PLEKHB1: variants seen among roughly 807,000 people sequenced by gnomAD.
PLEKHB1 encodes the protein pleckstrin homology domain containing B1.
Under a neutral mutation model 36.2 loss-of-function variants are expected in PLEKHB1, and 29 were observed. The observed-to-expected ratio is 0.80, with a 90% confidence interval of 0.60 to 1.09. The LOEUF (loss-of-function observed/expected upper bound fraction) is 1.09, where lower values mean the gene tolerates loss of function less well. PLEKHB1 is among the 50% of genes least tolerant of loss of function. The pLI, the probability that PLEKHB1 is intolerant of heterozygous loss-of-function variation, is 0.00. For missense variants in PLEKHB1, 330 were observed against 348.2 expected (o/e 0.95, Z 0.42); for synonymous variants, 138 against 140.0 (o/e 0.99, Z 0.10).
chr11:73,656,587 ATGTT>A (rs2134820612), intron 6 of PLEKHB1, among the ~76,000 whole-genome samples: 1 of 152,204 alleles, frequency 6.6e-6, no homozygotes, highest in South Asian at 2.1e-4. Context: ...CTCACCCTCA[ATGTT>A]TCTTGAAGGC....
intron 5 of PLEKHB1, among the ~76,000 whole-genome samples, chr11:73,653,661 G>T (rs1255967460): frequency 6.6e-6 from 1 of 152,242 alleles, no homozygotes; most frequent in African/African-American, 2.4e-5. Context: ...TTGACTGGGT[G>T]AAAGGTGTGG....
At chr11:73,648,837 G>T (rs577064718) in intron 1 of PLEKHB1, 175 bp from the exon 2 acceptor site, 1 of 1,362,232 alleles carries the variant, frequency 7.3e-7, no homozygotes, top group Non-Finnish European at 9.5e-7. Flanking sequence ...CACAGTGACA[G>T]TGCTCCCATT....
In PLEKHB1 at chr11:73,661,581, G is replaced by A. The variant is rs1945124621; in HGVS notation, c.711G>A (p.Met237Ile). 4 of 1,599,066 alleles carry A rather than the reference G, an allele frequency of 2.5e-6. No homozygotes were observed. The highest frequency in any genetic ancestry group is 3.4e-6 in the Non-Finnish European group (4 of 1,172,900). Residue 237 changes from methionine (M) to isoleucine (I), a missense_variant, in exon 8 of 8, where the codon ATG becomes ATA. By Grantham distance (10) the Met-to-Ile change is conservative (BLOSUM62 1). Transcript: ENST00000354190. This position sits in a 1 kb window ranked among gnomAD's most constrained non-coding sequence, Gnocchi z 4.6. ...CTGGGGCGGCGCTGGGCTCGCTCAT[G>A]TGGTCGCCCTGCTGGTTCTGAGCCC... ...AATGAALGSL[M>I]WSPCWF
At position 73,661,800 on chromosome 11, in the gene PLEKHB1, A is replaced by G; in HGVS notation, c.*198A>G. 1 of 653,276 alleles carries G rather than the reference A, an allele frequency of 1.5e-6. No homozygotes were observed. The highest frequency in any genetic ancestry group is 2.4e-5 in the South Asian group (1 of 42,446). 40.5% of individuals were successfully genotyped at this position (653,276 alleles called of 1,614,324 possible). A position where few individuals can be genotyped will look rare whatever the true frequency, so the allele number is the denominator to read the frequency against. On this transcript the variant is annotated 3_prime_UTR_variant, in exon 8 of 8. Coordinates refer to ENST00000354190, the MANE Select transcript of PLEKHB1 (RefSeq NM_021200.3). The surrounding 1 kb of genome is among the most constrained non-coding windows in gnomAD (Gnocchi z 4.6). ...AGAAGCTATCATCACAGGTACAAAC[A>G]TCGCTTGAAGTCTTCACATCTACCA...
At chr11:73,648,838 T>C in intron 1 of PLEKHB1, 174 bp from the exon 2 acceptor site, 5 of 1,348,636 alleles carry the variant, frequency 3.7e-6, no homozygotes, top group Non-Finnish European at 4.8e-6. Flanking sequence ...ACAGTGACAG[T>C]GCTCCCATTC....
chr11:73,654,990 G>A (rs1944964205), intron 5 of PLEKHB1, among the ~76,000 whole-genome samples: 1 of 152,202 alleles, frequency 6.6e-6, no homozygotes. Flanking sequence ...GGCTACAGCA[G>A]TAGTCTGCAG....
Position 73,650,633 on chromosome 11 carries a change from G to GGA in PLEKHB1, c.175_176insGA (p.Ala59GlyfsTer18). 1 of 1,613,062 alleles carries GGA rather than the reference G, an allele frequency of 6.2e-7. No individual in the cohort carries two copies. The highest frequency in any genetic ancestry group is 8.5e-7 in the Non-Finnish European group (1 of 1,179,546). ...CCTGGGATACTACCACGATGAGACAGCGCAGGACGAGGAGGACCGTGTGCT... is the reference window on the plus strand; with the variant it reads ...CCTGGGATACTACCACGATGAGACAGGACGCAGGACGAGGAGGACCGTGTGCT... On this transcript the variant is annotated frameshift_variant, in exon 3 of 8. Transcript: ENST00000354190. LOFTEE classifies it high-confidence loss of function.
In PLEKHB1 at chr11:73,661,551, C is replaced by T; in HGVS notation, c.681C>T (p.Ala227=). 1 of 1,610,144 alleles carries T rather than the reference C, an allele frequency of 6.2e-7. No homozygotes were observed. Among genetic ancestry groups the T allele is most frequent in the Non-Finnish European group, 8.5e-7 (1 of 1,177,882 alleles). ...APLAMGMLAG[A]ATGAALGSLM... is the part of the protein sequence containing the mutation. Reference sequence around the variant, plus strand: ...TGGCCATGGGCATGCTTGCGGGAGCCGCCACTGGGGCGGCGCTGGGCTCGC... The same window carrying T: ...TGGCCATGGGCATGCTTGCGGGAGCTGCCACTGGGGCGGCGCTGGGCTCGC... Residue 227 remains alanine (A), a synonymous_variant, in exon 8 of 8, where the codon GCC becomes GCT. Transcript: ENST00000354190. The surrounding 1 kb of genome is among the most constrained non-coding windows in gnomAD (Gnocchi z 4.6).
chr11:73,653,151 T>A, intron 5 of PLEKHB1, 137 bp downstream of exon 5: 1 of 890,952 alleles, frequency 1.1e-6, no homozygotes, highest in Admixed American at 2.4e-5. Flanking sequence ...GATGCCTGAG[T>A]CCCAAGTGTT....
intron 1 of PLEKHB1, chr11:73,647,662 AGGC>A: frequency 3.0e-6 from 3 of 985,470 alleles, no homozygotes; most frequent in Non-Finnish European, 3.6e-6. Flanking sequence ...CACAAAGCGC[AGGC>A]GCAGCGGGTT....
rs570366239 is a variant in PLEKHB1 at position 73,655,805 on chromosome 11, C to G, written c.393C>G (p.Ala131=). 234 of 1,613,330 alleles carry G rather than the reference C, an allele frequency of 1.5e-4. No individual in the cohort carries two copies. In the East Asian group the frequency reaches 4.2e-3, roughly 29 times the overall value. ...TALLEANSTP[A]PAGATVPPRS... ...TTGGGTTTCTGTGGCTTGAGCAGGC[C>G]CCAGCTGGAGCCACCGTCCCTCCCA... is the stretch of plus-strand genomic sequence containing the variant. The change falls in exon 6 of 8, where the codon GCC becomes GCG. Residue 131 remains alanine, a splice_region_variant and synonymous_variant. Coordinates refer to ENST00000354190, the MANE Select transcript of PLEKHB1 (RefSeq NM_021200.3).
Position 73,655,808 on chromosome 11 carries a change from A to C in PLEKHB1, c.396A>C (p.Pro132=), listed in dbSNP as rs1565331863. ...ALLEANSTPA[P]AGATVPPRSR... is the part of the protein sequence containing the mutation. ...GGTTTCTGTGGCTTGAGCAGGCCCC[A>C]GCTGGAGCCACCGTCCCTCCCAGGA... The change falls in exon 6 of 8, where the codon CCA becomes CCC. Residue 132 remains proline (P), a synonymous_variant. Transcript: ENST00000354190. The C allele has an allele frequency of 3.1e-6, 5 of 1,612,964 alleles. No individual in the cohort carries two copies. The highest frequency in any genetic ancestry group is 1.7e-5 in the Admixed American group (1 of 59,970).
chr11:73,653,139 C>G (rs1944931383), intron 5 of PLEKHB1, 125 bp downstream of exon 5: 1 of 982,122 alleles, frequency 1.0e-6, no homozygotes, highest in African/African-American at 1.6e-5. Flanking sequence ...TCTGCAAACT[C>G]TGATGCCTGA....
chr11:73,650,747 C>T, intron 3 of PLEKHB1, 42 bp downstream of exon 3: 4 of 1,542,424 alleles, frequency 2.6e-6, no homozygotes, highest in Admixed American at 2.0e-5. Context: ...TGACTGTGGG[C>T]AGAGCCTCCC....
rs1233117756 is a variant in PLEKHB1 at position 73,651,051 on chromosome 11, G to A, written c.247+346G>A. 4.0e-5 allele frequency among the ~76,000 whole-genome samples: 6 copies of A among 151,300 alleles called. 1 individual carries two copies. On this transcript the variant is annotated intron_variant, in intron 3 of 7. Coordinates refer to ENST00000354190, the MANE Select transcript of PLEKHB1 (RefSeq NM_021200.3). ...GTCACATATGGCTACTGGGGAGGCC[G>A]AGGCAGGAGAATTGCTTGAGCCCAG... is the stretch of plus-strand genomic sequence containing the variant.
At chr11:73,654,198 G>A (rs1944951963) in intron 5 of PLEKHB1, among the ~76,000 whole-genome samples, 2 of 152,188 alleles carry the variant, frequency 1.3e-5, no homozygotes, top group Non-Finnish European at 2.9e-5. Flanking sequence ...ACATATTTAG[G>A]AGATGGAGTC....
At chr11:73,651,569 G>A (rs908908988) in intron 3 of PLEKHB1, 33 of 657,058 alleles carry the variant, frequency 5.0e-5, no homozygotes, top group Non-Finnish European at 9.0e-5. Context: ...GTTCTAACAG[G>A]GTAACTGGGA....
At chr11:73,658,038 T>C (rs1945028294) in intron 6 of PLEKHB1, among the ~76,000 whole-genome samples, 2 of 152,232 alleles carry the variant, frequency 1.3e-5, no homozygotes, top group African/African-American at 4.8e-5. Flanking sequence ...CAGTCAGATC[T>C]GATTAGACCC....
At position 73,655,841 on chromosome 11, in the gene PLEKHB1, G is replaced by A. The variant is rs749869607; in HGVS notation, c.429G>A (p.Arg143=). Residue 143 remains arginine, a synonymous_variant, in exon 6 of 8, where the codon CGG becomes CGA. Transcript: ENST00000354190. ...AGATVPPRSR[R]VCSKVRCVTR... is the part of the protein sequence containing the mutation. ...CCACCGTCCCTCCCAGGAGCCGCCGGGTTTGCTCCAAGGTCAGGTGTGTGA... is the reference window on the plus strand; with the variant it reads ...CCACCGTCCCTCCCAGGAGCCGCCGAGTTTGCTCCAAGGTCAGGTGTGTGA... The A allele has an allele frequency of 1.9e-6, 3 of 1,613,730 alleles. No homozygotes were observed. The East Asian group carries it at 6.7e-5, about 36-fold the overall frequency.
Sources: gnomAD v4.1 joint callset for allele counts (sites outside exome capture counted in the v4.1 genomes callset) on GRCh38, gnomAD v4.1.1 for gene constraint, Gnocchi (gnomAD v3.1) non-coding constraint, MANE v1.5 for transcripts, NCBI Gene and HGNC (gene_info 2026-07-23, HGNC 2026-07-21) for gene names.